SORCS2: variants seen among roughly 807,000 people sequenced by gnomAD.
The protein encoded by SORCS2 is VPS10 domain-containing receptor SorCS2.
In SORCS2, 100 loss-of-function variants were observed where a neutral mutation model predicts 141.6. The observed-to-expected ratio is 0.71, with a 90% confidence interval of 0.60 to 0.83. The LOEUF (loss-of-function observed/expected upper bound fraction) is 0.83. Among genes scored for constraint, SORCS2 ranks in the 40% least tolerant of loss-of-function variants. The probability of loss-of-function intolerance (pLI) is 0.00; values close to 1 mark genes in which losing one functional copy is unlikely to be tolerated. For synonymous variants in SORCS2, 789 were observed against 676.9 expected, an observed-to-expected ratio of 1.17 and a Z score of -2.57; for missense variants, 1,646 against 1,560.2, an observed-to-expected ratio of 1.05 and a Z score of -0.93.
At chr4:7,623,846 C>G (rs546490680) in intron 3 of SORCS2, among the ~76,000 whole-genome samples, 3 of 152,270 alleles carry the variant, frequency 2.0e-5, no homozygotes, top group South Asian at 2.1e-4. Context: ...CCACCCCCAG[C>G]CCTGGTTCAT....
chr4:7,310,940 G>A (rs1463858413), intron 1 of SORCS2, among the ~76,000 whole-genome samples: 1 of 152,204 alleles, frequency 6.6e-6, no homozygotes, highest in Non-Finnish European at 1.5e-5. Context: ...AGGTATAATA[G>A]AGATATAATA....
At chr4:7,718,332 A>G in intron 18 of SORCS2, 149 bp downstream of exon 18, 1 of 868,268 alleles carries the variant, frequency 1.2e-6, no homozygotes, top group Non-Finnish European at 1.7e-6. Context: ...TGAAGGAGGC[A>G]GCAGGGGGCT....
chr4:7,516,581 G>A (rs1240257732), intron 2 of SORCS2, among the ~76,000 whole-genome samples: 2 of 152,144 alleles, frequency 1.3e-5, no homozygotes, highest in Admixed American at 6.5e-5. Flanking sequence ...AGGGGTGGGG[G>A]CGGTGCTGCT....
chr4:7,713,400 C>G (rs7664749), intron 15 of SORCS2, among the ~76,000 whole-genome samples: 105,713 of 151,640 alleles, frequency 0.7, 37,560 homozygotes, highest in East Asian at 1. Flanking sequence ...TGGAACTGCT[C>G]GGGGGTGGGT....
At chr4:7,708,725 G>A (rs567220335) in intron 14 of SORCS2, among the ~76,000 whole-genome samples, 201 of 152,330 alleles carry the variant, frequency 1.3e-3, no homozygotes, top group Non-Finnish European at 2.3e-3. Flanking sequence ...TTTCATACGT[G>A]ACTTCAGGCC....
At position 7,233,989 on chromosome 4, in the gene SORCS2, C is replaced by A. The variant is rs1047649955; in HGVS notation, c.480+40863C>A. On this transcript the variant is annotated intron_variant, in intron 1 of 26. Transcript: ENST00000507866. This position sits in a 1 kb window ranked among gnomAD's most constrained non-coding sequence, Gnocchi z 4.5. ...GGTGGGGGAGGACCGTATCCCCGAG[C>A]CTCTCCAGGGAGCCCATGCATCTGT... is the stretch of plus-strand genomic sequence containing the variant. Among the ~76,000 whole-genome samples, 9 of 152,176 alleles carry A rather than the reference C, an allele frequency of 5.9e-5. No homozygotes were observed. Among genetic ancestry groups the A allele is most frequent in the South Asian group, 4.1e-4 (2 of 4,822 alleles).
intron 26 of SORCS2, among the ~76,000 whole-genome samples, chr4:7,738,457 C>T (rs1201393054): frequency 1.3e-5 from 2 of 152,210 alleles, no homozygotes; most frequent in East Asian, 1.9e-4. Context: ...TCTTGGCAGA[C>T]CCCAGGGACC....
intron 3 of SORCS2, among the ~76,000 whole-genome samples, chr4:7,621,019 G>A (rs955206986): frequency 6.6e-6 from 1 of 152,282 alleles, no homozygotes. Flanking sequence ...AGGCACGGGG[G>A]GGTTGCCGGC....
intron 3 of SORCS2, among the ~76,000 whole-genome samples, chr4:7,626,034 C>A (rs1157032873): frequency 6.6e-6 from 1 of 151,942 alleles, no homozygotes; most frequent in Non-Finnish European, 1.5e-5. Context: ...TGGTTCCCAG[C>A]GACTCAGAAG....
At chr4:7,466,385 C>T (rs180984755) in intron 2 of SORCS2, among the ~76,000 whole-genome samples, 179 of 152,278 alleles carry the variant, frequency 1.2e-3, no homozygotes, top group African/African-American at 3.8e-3. Context: ...GCCCACATTC[C>T]GCTGGCCAGA....
intron 2 of SORCS2, among the ~76,000 whole-genome samples, chr4:7,484,568 G>T (rs989254734): frequency 1.3e-5 from 2 of 152,168 alleles, no homozygotes; most frequent in Non-Finnish European, 2.9e-5. Context: ...GCTGACTCCA[G>T]TGTGGAAATA....
At chr4:7,197,562 T>A (rs1232626671) in intron 1 of SORCS2, among the ~76,000 whole-genome samples, 1 of 152,112 alleles carries the variant, frequency 6.6e-6, no homozygotes, top group Non-Finnish European at 1.5e-5. Flanking sequence ...AATGAGTAGG[T>A]GGAGTGTATA....
At chr4:7,544,051 G>T (rs1299648285) in intron 3 of SORCS2, among the ~76,000 whole-genome samples, 158 of 50,290 alleles carry the variant, frequency 3.1e-3, no homozygotes, top group African/African-American at 0.012. Context: ...CATCCATCCA[G>T]CCACCCACCC....
rs543260202 is a variant in SORCS2, at chr4:7,664,528, C to T, written c.1071+57C>T. The T allele has an allele frequency of 1.8e-5, 23 of 1,288,650 alleles. No homozygotes were observed. The Admixed American group carries it at 2.7e-4, about 15-fold the overall frequency. The allele number at this position is 1,288,650 out of a possible 1,614,324, so 79.8% of individuals were successfully genotyped here. A position where few individuals can be genotyped will look rare whatever the true frequency, so the allele number is the denominator to read the frequency against. ...GCAACAGGTGACGTGGCGGATGACC[C>T]GTTCGCGGCAAAAATGGCATCGCTC... On this transcript the variant is annotated intron_variant, in intron 7 of 26. Transcript: ENST00000507866. This position sits in a 1 kb window ranked among gnomAD's most constrained non-coding sequence, Gnocchi z 4.7.
chr4:7,582,457 A>G (rs1191481899), intron 3 of SORCS2, among the ~76,000 whole-genome samples: 1 of 152,202 alleles, frequency 6.6e-6, no homozygotes, highest in Non-Finnish European at 1.5e-5. Flanking sequence ...CAATTAAAGG[A>G]TAAAACAGGG....
chr4:7,481,110 C>T (rs1439302186), intron 2 of SORCS2, among the ~76,000 whole-genome samples: 2 of 152,244 alleles, frequency 1.3e-5, no homozygotes, highest in Admixed American at 1.3e-4. Flanking sequence ...GCCTGGAGGG[C>T]CCTGTGAGCC....
intron 2 of SORCS2, among the ~76,000 whole-genome samples, chr4:7,465,791 G>C (rs1209763868): frequency 2.0e-5 from 3 of 152,246 alleles, no homozygotes; most frequent in Non-Finnish European, 4.4e-5. Flanking sequence ...CGCAAGCCCA[G>C]ACAAAGGCAT....
At chr4:7,706,611 A>C (rs1725479718) in intron 14 of SORCS2, among the ~76,000 whole-genome samples, 1 of 124,520 alleles carries the variant, frequency 8.0e-6, no homozygotes, top group African/African-American at 3.1e-5. Flanking sequence ...CTGGGCAGGG[A>C]TGAGGCTGGC....
chr4:7,531,576 G>C lies in SORCS2; in HGVS notation c.595G>C (p.Gly199Arg). 6.2e-7 allele frequency: 1 copy of C among 1,613,898 alleles called. No homozygotes were observed. Reference protein sequence around the residue: ...TSYTKLTLQPGVTTVIDNFYI... With the variant: ...TSYTKLTLQPRVTTVIDNFYI... ...CTACACCAAGCTCACCCTCCAGCCT[G>C]GTGTCACCACCGTCATCGACAATTT... Residue 199 changes from glycine to arginine, a missense_variant, in exon 3 of 27, where the codon GGT (glycine) becomes CGT (arginine). Transcript: ENST00000507866.
Sources: gnomAD v4.1 joint callset for allele counts (sites outside exome capture counted in the v4.1 genomes callset) on GRCh38, gnomAD v4.1.1 for gene constraint, Gnocchi (gnomAD v3.1) non-coding constraint, MANE v1.5 for transcripts, NCBI Gene and HGNC (gene_info 2026-07-23, HGNC 2026-07-21) for gene names.